The following MARCHF1 variants were observed in gnomAD, a reference collection of about 807,000 sequenced individuals.
The protein encoded by MARCHF1 is E3 ubiquitin-protein ligase MARCHF1.
MARCHF1 carries 40 observed loss-of-function variants against 54.2 expected under a neutral mutation model. The ratio of observed to expected loss-of-function variants is 0.74; its 90% CI spans 0.57 to 0.96. MARCHF1 has a LOEUF of 0.96. Among genes scored for constraint, MARCHF1 ranks in the 40% least tolerant of loss-of-function variants. The pLI, the probability that MARCHF1 is intolerant of heterozygous loss-of-function variation, is 0.00. For missense variants in MARCHF1, 586 were observed against 656.5 expected (o/e 0.89, Z 1.17); for synonymous variants, 236 against 236.3 (o/e 1.00, Z 0.01).
intron 1 of MARCHF1, among the ~76,000 whole-genome samples, chr4:164,307,141 C>A (rs902016271): frequency 6.6e-6 from 1 of 152,150 alleles, no homozygotes; most frequent in Admixed American, 6.5e-5. Context: ...GCCACCCACA[C>A]CTCATTTCTT....
At chr4:164,089,136 G>A (rs532094749) in intron 2 of MARCHF1, among the ~76,000 whole-genome samples, 2 of 152,120 alleles carry the variant, frequency 1.3e-5, no homozygotes, top group East Asian at 3.9e-4. Flanking sequence ...ACTTGTAAAA[G>A]GCAAATAGCA....
At chr4:163,808,895 G>C (rs1748304065) in intron 4 of MARCHF1, among the ~76,000 whole-genome samples, 1 of 152,118 alleles carries the variant, frequency 6.6e-6, no homozygotes, top group African/African-American at 2.4e-5. Context: ...GTACACGTTA[G>C]TATTTGAGGA....
chr4:164,162,551 A>G (rs1438208770), intron 1 of MARCHF1, among the ~76,000 whole-genome samples: 1 of 152,198 alleles, frequency 6.6e-6, no homozygotes, highest in Non-Finnish European at 1.5e-5. Context: ...TTATTTGAAC[A>G]TATTTGGAAA....
chr4:164,094,713 A>T (rs1214975966), intron 2 of MARCHF1, among the ~76,000 whole-genome samples: 1 of 152,178 alleles, frequency 6.6e-6, no homozygotes, highest in Admixed American at 6.6e-5. Flanking sequence ...AGGAAAATTG[A>T]ATTCAGAAAC....
intron 2 of MARCHF1, among the ~76,000 whole-genome samples, chr4:164,097,004 A>C (rs993822510): frequency 1.3e-5 from 2 of 152,108 alleles, no homozygotes; most frequent in African/African-American, 2.4e-5. Context: ...TCTTTTGTTA[A>C]TGTTCATTTT....
chr4:164,353,875 T>C, intron 1 of MARCHF1, among the ~76,000 whole-genome samples: 1 of 137,520 alleles, frequency 7.3e-6, no homozygotes, highest in Non-Finnish European at 1.6e-5. Flanking sequence ...GCAAGACTAA[T>C]AAAGAAAAAA....
chr4:163,869,682 C>CT lies in MARCHF1; in HGVS notation c.-38-15514dup, dbSNP rs1226380138. ...CTTTAAAGGACATTATAAAAGTCTA[C>CT]TTTTTTTAAGACTAGAAAGCACTAA... On this transcript the variant is annotated intron_variant, in intron 3 of 9. Coordinates refer to ENST00000514618, the MANE Select transcript of MARCHF1 (RefSeq NM_001394959.1). Among the ~76,000 whole-genome samples the CT allele has an allele frequency of 3.9e-5, 6 of 151,994 alleles. No homozygotes were observed. The East Asian group carries it at 9.6e-4, about 24-fold the overall frequency.
At chr4:163,866,466 T>TTTTATATATA (rs1553959583) in intron 3 of MARCHF1, among the ~76,000 whole-genome samples, 2 of 124,402 alleles carry the variant, frequency 1.6e-5, no homozygotes, top group Non-Finnish European at 3.6e-5. Context: ...AAAGCTGTAG[T>TTTTATATATA]TATATATATA....
At chr4:164,239,967 G>C (rs543207648) in intron 1 of MARCHF1, among the ~76,000 whole-genome samples, 126 of 152,290 alleles carry the variant, frequency 8.3e-4, no homozygotes, top group African/African-American at 2.9e-3. Flanking sequence ...TAGAGTAAGA[G>C]AGCATCTTGC....
At chr4:163,692,613 T>C (rs1561022760) in intron 5 of MARCHF1, among the ~76,000 whole-genome samples, 1 of 143,238 alleles carries the variant, frequency 7.0e-6, no homozygotes, top group Non-Finnish European at 1.5e-5. Flanking sequence ...ATTTATGTTT[T>C]ATTTCAAGTA....
intron 4 of MARCHF1, among the ~76,000 whole-genome samples, chr4:163,835,475 C>T (rs1253087125): frequency 2.0e-5 from 3 of 152,144 alleles, no homozygotes; most frequent in African/African-American, 7.2e-5. Context: ...TTGTGCCAAT[C>T]TCCAGGTTTT....
chr4:164,068,135 G>T (rs1160127235), intron 2 of MARCHF1, among the ~76,000 whole-genome samples: 5 of 152,202 alleles, frequency 3.3e-5, no homozygotes, highest in Admixed American at 6.5e-5. Flanking sequence ...ATGTAAATTA[G>T]TTCAGCCACT....
intron 7 of MARCHF1, among the ~76,000 whole-genome samples, chr4:163,599,442 C>T (rs1024587945): frequency 1.3e-5 from 2 of 151,926 alleles, no homozygotes; most frequent in Non-Finnish European, 2.9e-5. Flanking sequence ...ACACAATATA[C>T]ACACAAGCAA....
intron 4 of MARCHF1, among the ~76,000 whole-genome samples, chr4:163,763,215 T>C (rs993325077): frequency 6.6e-6 from 1 of 152,044 alleles, no homozygotes; most frequent in Non-Finnish European, 1.5e-5. Context: ...CCCTAGCAAA[T>C]CCCCTGGAGA....
intron 4 of MARCHF1, among the ~76,000 whole-genome samples, chr4:163,827,516 T>A (rs1257541665): frequency 6.6e-6 from 1 of 152,178 alleles, no homozygotes; most frequent in Non-Finnish European, 1.5e-5. Flanking sequence ...AAGTGATTAG[T>A]GTATTGCTTC....
intron 4 of MARCHF1, among the ~76,000 whole-genome samples, chr4:163,834,843 T>C (rs1749135258): frequency 6.6e-6 from 1 of 152,120 alleles, no homozygotes; most frequent in Non-Finnish European, 1.5e-5. Flanking sequence ...GGTTGACCTA[T>C]GTTATTATTA....
chr4:164,088,499 A>T (rs1269310228), intron 2 of MARCHF1, among the ~76,000 whole-genome samples: 1 of 152,138 alleles, frequency 6.6e-6, no homozygotes, highest in Non-Finnish European at 1.5e-5. Context: ...GTGCTTTGGG[A>T]GGCCAAGATG....
intron 7 of MARCHF1, among the ~76,000 whole-genome samples, chr4:163,601,243 A>G (rs1740953358): frequency 6.6e-6 from 1 of 152,164 alleles, no homozygotes; most frequent in South Asian, 2.1e-4. Context: ...TCAGCTATAT[A>G]TCCTTATTTG....
At chr4:163,635,325 G>C (rs2111009867) in intron 5 of MARCHF1, among the ~76,000 whole-genome samples, 1 of 146,252 alleles carries the variant, frequency 6.8e-6, no homozygotes, top group African/African-American at 2.6e-5. Flanking sequence ...TTTTTGAAAG[G>C]ATCAACAAAA....
Sources: allele counts gnomAD v4.1 joint callset (sites outside exome capture counted in the v4.1 genomes callset), GRCh38; gene constraint gnomAD v4.1.1; transcripts MANE v1.5; gene names NCBI Gene and HGNC (gene_info 2026-07-23, HGNC 2026-07-21).